TNFRSF21: variants seen among roughly 807,000 people sequenced by gnomAD.
The protein encoded by TNFRSF21 is tumor necrosis factor receptor superfamily member 21.
In TNFRSF21, 19 loss-of-function variants were observed where a neutral mutation model predicts 45.6. The observed-to-expected ratio is 0.42, with a 90% CI of 0.29 to 0.61. TNFRSF21 has a LOEUF of 0.61. TNFRSF21 is among the 20% of genes least tolerant of loss of function. The pLI, the probability that TNFRSF21 is intolerant of heterozygous loss-of-function variation, is 0.23. For missense variants in TNFRSF21, 737 were observed against 851.5 expected, an observed-to-expected ratio of 0.87 and a Z score of 1.67; for synonymous variants, 314 against 335.5, an observed-to-expected ratio of 0.94 and a Z score of 0.70.
At chr6:47,265,189 C>A (rs1221563549) in intron 3 of TNFRSF21, among the ~76,000 whole-genome samples, 1 of 152,268 alleles carries the variant, frequency 6.6e-6, no homozygotes. Context: ...CCTTGTAGAG[C>A]CTTCAGCCAT....
chr6:47,288,151 C>T (rs1025387839), intron 1 of TNFRSF21, among the ~76,000 whole-genome samples: 4 of 152,386 alleles, frequency 2.6e-5, no homozygotes, highest in Middle Eastern at 3.4e-3. Flanking sequence ...GGAAACAGCA[C>T]ACGTTTGTTG....
chr6:47,238,819 C>T lies in TNFRSF21; in HGVS notation c.1510-3921G>A, dbSNP rs114772411. ...ATCTCTGGGCTACTGAGTTTGGTAG[C>T]AGTGTTTATGAGAATAATGATTTAA... On this transcript the variant is annotated intron_variant, in intron 4 of 5. Transcript: ENST00000296861. Among the ~76,000 whole-genome samples the T allele has an allele frequency of 5.5e-3, 837 of 152,206 alleles. 9 individuals are homozygous for T. Among genetic ancestry groups the T allele is most frequent in the African/African-American group, 0.019 (779 of 41,530 alleles).
intron 3 of TNFRSF21, among the ~76,000 whole-genome samples, chr6:47,263,388 T>C (rs1762265475): frequency 1.3e-5 from 2 of 152,070 alleles, no homozygotes; most frequent in Admixed American, 1.3e-4. Context: ...CACTTGGGAA[T>C]TACCAGCAGA....
rs771642740 is a variant in TNFRSF21 at position 47,286,192 on chromosome 6, C to T, written c.500G>A (p.Arg167Gln). Reference protein sequence around the residue: ...RKKGTETEDVRCKQCARGTFS... With the variant: ...RKKGTETEDVQCKQCARGTFS... Reference sequence around the variant, plus strand: ...GGTACCCCGAGCACACTGCTTACACCGCACATCCTCAGTCTCTGTCCCTTT... The same window carrying T: ...GGTACCCCGAGCACACTGCTTACACTGCACATCCTCAGTCTCTGTCCCTTT... The change falls in exon 2 of 6, where the codon CGG becomes CAG. Residue 167 changes from arginine to glutamine, a missense_variant. Arg to Gln is a conservative substitution (Grantham distance 43). Coordinates refer to ENST00000296861, the MANE Select transcript of TNFRSF21 (RefSeq NM_014452.5). The T allele has an allele frequency of 3.1e-6, 5 of 1,614,226 alleles. No individual in the cohort carries two copies. Among genetic ancestry groups the T allele is most frequent in the African/African-American group, 1.3e-5 (1 of 75,058 alleles).
chr6:47,275,980 G>A (rs1029580909), intron 3 of TNFRSF21, among the ~76,000 whole-genome samples: 2 of 152,152 alleles, frequency 1.3e-5, no homozygotes, highest in African/African-American at 4.8e-5. Context: ...ACTCAGGTAA[G>A]GCACAGATAA....
intron 3 of TNFRSF21, among the ~76,000 whole-genome samples, chr6:47,283,184 G>T (rs903593224): frequency 5.3e-5 from 8 of 152,158 alleles, no homozygotes; most frequent in Non-Finnish European, 8.8e-5. Context: ...TCTGAAAACT[G>T]CAGTCTTCAG....
intron 1 of TNFRSF21, among the ~76,000 whole-genome samples, chr6:47,307,948 G>A (rs752835757): frequency 6.6e-6 from 1 of 152,124 alleles, no homozygotes; most frequent in Non-Finnish European, 1.5e-5. Context: ...ACTGAACTAG[G>A]ATCAGTGTTC....
intron 2 of TNFRSF21, among the ~76,000 whole-genome samples, 184 bp downstream of exon 2, chr6:47,285,760 G>C (rs1376247245): frequency 6.6e-6 from 1 of 152,078 alleles, no homozygotes; most frequent in Non-Finnish European, 1.5e-5. Flanking sequence ...AAAATTCTGA[G>C]TCTACATGTT....
intron 4 of TNFRSF21, among the ~76,000 whole-genome samples, chr6:47,241,071 A>G (rs34424545): frequency 0.061 from 9,223 of 152,310 alleles, 423 homozygotes; most frequent in Non-Finnish European, 0.096. Flanking sequence ...GGCATATAAG[A>G]TGGGCTCTGG....
At chr6:47,245,260 T>C (rs1204417938) in intron 4 of TNFRSF21, among the ~76,000 whole-genome samples, 1 of 152,230 alleles carries the variant, frequency 6.6e-6, no homozygotes, top group African/African-American at 2.4e-5. Flanking sequence ...ATCCCTCCTA[T>C]AAAACTGTCA....
At chr6:47,308,554 G>T (rs1214514120) in intron 1 of TNFRSF21, among the ~76,000 whole-genome samples, 1 of 152,238 alleles carries the variant, frequency 6.6e-6, no homozygotes, top group South Asian at 2.1e-4. Context: ...TAAGTTTTTG[G>T]TCAAGATGAT....
Position 47,253,159 on chromosome 6 carries a change from G to T in TNFRSF21, c.1509+97C>A. On this transcript the variant is annotated intron_variant, in intron 4 of 5. Coordinates refer to ENST00000296861, the MANE Select transcript of TNFRSF21 (RefSeq NM_014452.5). Reference sequence around the variant, plus strand: ...GTGTGTGTGTGTGTGCCTATCCACCGAATATGTTATTTTTCTTTGTTCCCA... The same window carrying T: ...GTGTGTGTGTGTGTGCCTATCCACCTAATATGTTATTTTTCTTTGTTCCCA... 2.8e-6 allele frequency: 4 copies of T among 1,424,008 alleles called. No individual in the cohort carries two copies. In the South Asian group the frequency reaches 5.5e-5, roughly 20 times the overall value. 88.2% of individuals were successfully genotyped at this position (1,424,008 alleles called of 1,614,324 possible). A position where few individuals can be genotyped will look rare whatever the true frequency, so the allele number is the denominator to read the frequency against.
At chr6:47,239,987 T>C (rs1008767613) in intron 4 of TNFRSF21, among the ~76,000 whole-genome samples, 1 of 152,218 alleles carries the variant, frequency 6.6e-6, no homozygotes, top group African/African-American at 2.4e-5. Context: ...TTGCACAATC[T>C]GTTTTCATAA....
Position 47,284,230 on chromosome 6 carries a change from C to G in TNFRSF21, c.951G>C (p.Glu317Asp), listed in dbSNP as rs893669573. 1.2e-6 allele frequency: 2 copies of G among 1,613,864 alleles called. No homozygotes were observed. The highest frequency in any genetic ancestry group is 2.7e-5 in the African/African-American group (2 of 74,930). The change falls in exon 3 of 6, where the codon GAG (glutamate) becomes GAC (aspartate). Residue 317 changes from glutamate (E) to aspartate (D), a missense_variant. Glu to Asp is a conservative substitution (Grantham distance 45). Transcript: ENST00000296861. ...RHILKLLPSM[E>D]ATGGEKSSTP... ...TGCTGGACTTCTCGCCCCCAGTGGC[C>G]TCCATGGACGGCAGCAGCTTCAGGA...
At chr6:47,285,736 T>A (rs888917368) in intron 2 of TNFRSF21, among the ~76,000 whole-genome samples, 5 of 152,142 alleles carry the variant, frequency 3.3e-5, no homozygotes, top group African/African-American at 1.2e-4. Flanking sequence ...AGATATCTGA[T>A]CTCCCCTAAC....
intron 1 of TNFRSF21, among the ~76,000 whole-genome samples, chr6:47,288,839 T>C (rs567730142): frequency 1.3e-5 from 2 of 152,242 alleles, no homozygotes; most frequent in Non-Finnish European, 2.9e-5. Flanking sequence ...ATTTTTGTAA[T>C]GTGCTTTAAA....
At chr6:47,276,263 G>A (rs16875844) in intron 3 of TNFRSF21, among the ~76,000 whole-genome samples, 12,253 of 152,178 alleles carry the variant, frequency 0.081, 832 homozygotes, top group East Asian at 0.25. Context: ...GGTGAAAGCC[G>A]ACATCTGTTA....
chr6:47,271,811 T>C (rs1274750273), intron 3 of TNFRSF21, among the ~76,000 whole-genome samples: 2 of 151,784 alleles, frequency 1.3e-5, no homozygotes, highest in Non-Finnish European at 2.9e-5. Flanking sequence ...AATAAGGGGA[T>C]GGAGGAAGAT....
At chr6:47,235,313 G>A (rs1215140254) in intron 4 of TNFRSF21, among the ~76,000 whole-genome samples, 1 of 152,192 alleles carries the variant, frequency 6.6e-6, no homozygotes, top group Non-Finnish European at 1.5e-5. Context: ...CGACTACTGT[G>A]AGAGAGGGCC....
Sources: gnomAD v4.1 joint callset for allele counts (sites outside exome capture counted in the v4.1 genomes callset) on GRCh38, gnomAD v4.1.1 for gene constraint, MANE v1.5 for transcripts, NCBI Gene and HGNC (gene_info 2026-07-23, HGNC 2026-07-21) for gene names.